TMEM229B: variants seen among roughly 807,000 people sequenced by gnomAD.
TMEM229B encodes chromosome 14 open reading frame 83.
Under a neutral mutation model 13.7 loss-of-function variants are expected in TMEM229B, and 6 were observed. The ratio of observed to expected loss-of-function variants is 0.44; its 90% CI spans 0.24 to 0.86. TMEM229B has a LOEUF of 0.86. Ranked by LOEUF, TMEM229B falls within the 40% of genes least tolerant of loss-of-function variation. The pLI is 0.23. For missense variants in TMEM229B, 170 were observed against 236.0 expected, an observed-to-expected ratio of 0.72 and a Z score of 1.83; for synonymous variants, 107 against 102.1, an observed-to-expected ratio of 1.05 and a Z score of -0.29.
chr14:67,496,886 C>CT (rs2032411918), intron 1 of TMEM229B, among the ~76,000 whole-genome samples: 1 of 151,972 alleles, frequency 6.6e-6, no homozygotes, highest in South Asian at 2.1e-4. Context: ...CAACCTCTGC[C>CT]TCCCGGGTTC....
upstream of TMEM229B, among the ~76,000 whole-genome samples, chr14:67,492,910 C>A (rs2032225832): frequency 6.6e-6 from 1 of 152,312 alleles, no homozygotes; most frequent in East Asian, 1.9e-4. Context: ...AATAACTAAG[C>A]AGCTCTAAAC....
chr14:67,485,690 T>C (rs1298137993), intron 2 of TMEM229B, among the ~76,000 whole-genome samples: 1 of 152,144 alleles, frequency 6.6e-6, no homozygotes, highest in African/African-American at 2.4e-5. Flanking sequence ...CTCTGGGGGT[T>C]GGGAAAGCAG....
intron 2 of TMEM229B, among the ~76,000 whole-genome samples, chr14:67,485,162 A>C (rs2031800364): frequency 6.6e-6 from 1 of 152,174 alleles, no homozygotes; most frequent in African/African-American, 2.4e-5. Context: ...ACTGAACCAA[A>C]CGGTACAACA....
chr14:67,489,982 T>C (rs1220193728), upstream of TMEM229B, among the ~76,000 whole-genome samples: 1 of 129,334 alleles, frequency 7.7e-6, no homozygotes, highest in African/African-American at 3.0e-5. Flanking sequence ...AGAGCGAGAC[T>C]CCGTCTCAAA....
chr14:67,478,754 G>A (rs900876676), intron 2 of TMEM229B, among the ~76,000 whole-genome samples: 14 of 152,056 alleles, frequency 9.2e-5, no homozygotes, highest in African/African-American at 3.1e-4. Context: ...CTCCTCCTCT[G>A]TGAGGACTTT....
chr14:67,496,617 T>G (rs867631695), intron 1 of TMEM229B, among the ~76,000 whole-genome samples: 70 of 151,526 alleles, frequency 4.6e-4, no homozygotes, highest in African/African-American at 1.6e-3. Flanking sequence ...CCCTCCTTTC[T>G]TCCTATTCTT....
At chr14:67,503,078 A>T (rs1488184294) in intron 1 of TMEM229B, among the ~76,000 whole-genome samples, 1 of 152,162 alleles carries the variant, frequency 6.6e-6, no homozygotes, top group Non-Finnish European at 1.5e-5. Flanking sequence ...CCGCACGCTA[A>T]CAAGCAGATA....
At chr14:67,522,990 GC>G (rs2033312687) in intron 1 of TMEM229B, among the ~76,000 whole-genome samples, 1 of 152,200 alleles carries the variant, frequency 6.6e-6, no homozygotes, top group Non-Finnish European at 1.5e-5. Flanking sequence ...GTCTTCTCTT[GC>G]CTAGTACTGT....
chr14:67,499,841 G>T (rs943084413), intron 1 of TMEM229B, among the ~76,000 whole-genome samples: 7 of 73,634 alleles, frequency 9.5e-5, no homozygotes, highest in African/African-American at 2.5e-4. Context: ...AGGGACAAAG[G>T]GTTAAAAAAA....
At chr14:67,477,347 A>C (rs1000478297) in intron 2 of TMEM229B, among the ~76,000 whole-genome samples, 8 of 152,078 alleles carry the variant, frequency 5.3e-5, no homozygotes, top group Non-Finnish European at 4.4e-5. Flanking sequence ...TCATTCTGTT[A>C]GGCGTGCCTT....
Position 67,473,956 on chromosome 14 carries a change from A to G in TMEM229B, c.-18-15T>C, listed in dbSNP as rs763085535. 12 of 1,573,308 alleles carry G rather than the reference A, an allele frequency of 7.6e-6. No homozygotes were observed. Among genetic ancestry groups the G allele is most frequent in the Non-Finnish European group, 7.8e-6 (9 of 1,160,776 alleles). ...ACTGGGGCTGGCTGCGGGGGGCGCA[A>G]GAGAGACAGGTGAGGGCCGGGCGCG... On this transcript the variant is annotated splice_polypyrimidine_tract_variant and intron_variant, in intron 2 of 2. Coordinates refer to ENST00000554480, the MANE Select transcript of TMEM229B (RefSeq NM_001348543.2). This position sits in a 1 kb window ranked among gnomAD's most constrained non-coding sequence, Gnocchi z 6.5.
At chr14:67,529,775 G>A (rs558916650) in intron 1 of TMEM229B, among the ~76,000 whole-genome samples, 3 of 152,300 alleles carry the variant, frequency 2.0e-5, no homozygotes, top group South Asian at 4.1e-4. Context: ...AGATTCAGCA[G>A]TAGAAGTAAC....
chr14:67,526,807 T>G (rs893941955), intron 1 of TMEM229B, among the ~76,000 whole-genome samples: 21 of 152,078 alleles, frequency 1.4e-4, no homozygotes, highest in African/African-American at 5.1e-4. Flanking sequence ...CTGGCAGTCA[T>G]GTCCAGGGCT....
chr14:67,510,788 G>A (rs991247134), intron 1 of TMEM229B, among the ~76,000 whole-genome samples: 1 of 152,158 alleles, frequency 6.6e-6, no homozygotes, highest in African/African-American at 2.4e-5. Flanking sequence ...GGACAGCAAT[G>A]AAAAAGGAGA....
chr14:67,476,462 CTG>C, intron 2 of TMEM229B, among the ~76,000 whole-genome samples: 1 of 152,064 alleles, frequency 6.6e-6, no homozygotes, highest in Non-Finnish European at 1.5e-5. Context: ...TGGCATGCAC[CTG>C]TAGTCTCAGC....
chr14:67,513,745 C>G (rs2033104708), intron 1 of TMEM229B, among the ~76,000 whole-genome samples: 1 of 152,174 alleles, frequency 6.6e-6, no homozygotes, highest in African/African-American at 2.4e-5. Flanking sequence ...CCAGTGCCTT[C>G]TGTCTCACAG....
rs780965360 is a variant in TMEM229B, at chr14:67,473,757, G to A, written c.167C>T (p.Ser56Phe). The part of the protein sequence containing the change: ...SVWALFIYGT[S>F]ILIVERMYLR... ...GTACATGCGCTCCACGATGAGGATG[G>A]AGGTGCCGTAGATGAAGAGGGCCCA... Residue 56 changes from serine (S) to phenylalanine (F), a missense_variant, in exon 3 of 3, where the codon TCC (serine) becomes TTC (phenylalanine). This residue lies in a region of TMEM229B where 36 missense variants were observed against 83.8 expected (regional missense o/e 0.43). Coordinates refer to ENST00000554480, the MANE Select transcript of TMEM229B (RefSeq NM_001348543.2). The surrounding 1 kb of genome is among the most constrained non-coding windows in gnomAD (Gnocchi z 6.5). 1.9e-6 allele frequency: 3 copies of A among 1,613,716 alleles called. No homozygotes were observed. The highest frequency in any genetic ancestry group is 2.2e-5 in the South Asian group (2 of 90,924).
At chr14:67,531,090 T>G (rs1178059901) in intron 1 of TMEM229B, among the ~76,000 whole-genome samples, 1 of 152,110 alleles carries the variant, frequency 6.6e-6, no homozygotes, top group Non-Finnish European at 1.5e-5. Context: ...CCATTCTCCT[T>G]TGTCAGGTCA....
chr14:67,473,946 G>A lies in TMEM229B; in HGVS notation c.-18-5C>T, dbSNP rs572482123. 7.0e-6 allele frequency: 11 copies of A among 1,581,482 alleles called. No homozygotes were observed. Among genetic ancestry groups the A allele is most frequent in the Admixed American group, 1.8e-5 (1 of 56,194 alleles). ...CATGGCGCCGACTGGGGCTGGCTGC[G>A]GGGGGCGCAAGAGAGACAGGTGAGG... On this transcript the variant is annotated splice_region_variant and splice_polypyrimidine_tract_variant and intron_variant, in intron 2 of 2. Transcript: ENST00000554480. This position sits in a 1 kb window ranked among gnomAD's most constrained non-coding sequence, Gnocchi z 6.5.
Sources: allele counts gnomAD v4.1 joint callset (sites outside exome capture counted in the v4.1 genomes callset), GRCh38; gene constraint gnomAD v4.1.1; regional missense constraint gnomAD v4.1.1; non-coding constraint Gnocchi (gnomAD v3.1); transcripts MANE v1.5; gene names NCBI Gene and HGNC (gene_info 2026-07-23, HGNC 2026-07-21).